CCDC7: variants seen among roughly 807,000 people sequenced by gnomAD.
CCDC7 encodes the protein coiled-coil domain-containing protein 7.
A neutral mutation model predicts 196.9 loss-of-function variants in CCDC7; 183 were observed. The ratio of observed to expected loss-of-function variants is 0.93; its 90% CI spans 0.82 to 1.05. CCDC7 has a LOEUF of 1.05. Ranked by LOEUF, CCDC7 falls within the 50% of genes least tolerant of loss-of-function variation. The pLI is 0.00. For synonymous variants in CCDC7, 525 were observed against 484.6 expected (o/e 1.08, Z -1.10); for missense variants, 1,540 against 1,482.2 (o/e 1.04, Z -0.64).
chr10:32,824,630 A>C (rs1320250456), intron 32 of CCDC7, 26 bp downstream of exon 33: 1 of 1,489,694 alleles, frequency 6.7e-7, no homozygotes, highest in Non-Finnish European at 9.3e-7. Flanking sequence ...TTTAAAATCT[A>C]CTTATGGTTT....
intron 18 of CCDC7, among the ~76,000 whole-genome samples, chr10:32,595,386 G>T (rs1466791911): frequency 1.3e-5 from 2 of 152,282 alleles, no homozygotes; most frequent in East Asian, 1.9e-4. Context: ...TGTAGGATTG[G>T]TGGTGATATC....
rs866553742 is a variant in CCDC7 at position 32,640,030 on chromosome 10, G to T, written c.2014+4872G>T. On this transcript the variant is annotated intron_variant, in intron 20 of 41. Transcript: ENST00000639629. ...AATGTATATTCTGTTGATTTGGGGT[G>T]GAGAGTTCTGTAGATGTCTATTAGG... Among the ~76,000 whole-genome samples the T allele has an allele frequency of 5.6e-4, 85 of 152,314 alleles. No homozygotes were observed. In the Middle Eastern group the frequency reaches 0.014, roughly 24 times the overall value.
exon 25 of CCDC7, chr10:32,711,701 A>C (rs1344735157): frequency 6.3e-7 from 1 of 1,588,054 alleles, no homozygotes; most frequent in Non-Finnish European, 8.6e-7. Context: ...TTAGAGATTC[A>C]AGAAACTTCT....
chr10:32,740,684 C>A (rs959603423), intron 28 of CCDC7, among the ~76,000 whole-genome samples: 1 of 152,114 alleles, frequency 6.6e-6, no homozygotes, highest in Non-Finnish European at 1.5e-5. Context: ...CAGCAGTGTG[C>A]ATAATTTTAA....
chr10:32,637,289 C>T (rs1245576022), intron 20 of CCDC7, among the ~76,000 whole-genome samples: 1 of 152,292 alleles, frequency 6.6e-6, no homozygotes, highest in Admixed American at 6.5e-5. Flanking sequence ...GTGTTTTAGA[C>T]ATGAAGTCCT....
chr10:32,633,645 A>G (rs752118437), intron 18 of CCDC7, among the ~76,000 whole-genome samples: 25 of 148,468 alleles, frequency 1.7e-4, no homozygotes, highest in Non-Finnish European at 3.3e-4. Flanking sequence ...TCTTTGAGTT[A>G]TAGTTTCCCT....
chr10:32,537,439 C>G (rs2050704196), intron 11 of CCDC7, among the ~76,000 whole-genome samples: 2 of 152,140 alleles, frequency 1.3e-5, no homozygotes, highest in African/African-American at 4.8e-5. Context: ...TTCTCCCAAT[C>G]TCTAGGTTGC....
intron 41 of CCDC7, among the ~76,000 whole-genome samples, chr10:32,867,609 G>A (rs1038669683): frequency 6.6e-6 from 1 of 150,894 alleles, no homozygotes; most frequent in Non-Finnish European, 1.5e-5. Flanking sequence ...GGCAACTAAC[G>A]GGAAAATGGG....
intron 28 of CCDC7, among the ~76,000 whole-genome samples, chr10:32,758,985 C>T (rs1209420291): frequency 2.6e-5 from 4 of 152,138 alleles, no homozygotes; most frequent in Admixed American, 1.3e-4. Context: ...AGTGAACTCC[C>T]ATTCACAATT....
intron 18 of CCDC7, among the ~76,000 whole-genome samples, chr10:32,601,806 T>C (rs182077102): frequency 6.6e-6 from 1 of 152,244 alleles, no homozygotes; most frequent in Admixed American, 6.5e-5. Context: ...CAGCACTCTG[T>C]AAAAACACAC....
chr10:32,811,830 A>AT (rs1565576731), intron 30 of CCDC7, among the ~76,000 whole-genome samples: 3 of 152,144 alleles, frequency 2.0e-5, no homozygotes, highest in Admixed American at 6.5e-5. Context: ...ACAAAATGCT[A>AT]GCAAACCAAA....
chr10:32,826,205 G>C (rs1484871097), intron 32 of CCDC7, among the ~76,000 whole-genome samples: 1 of 152,176 alleles, frequency 6.6e-6, no homozygotes, highest in Admixed American at 6.5e-5. Context: ...CTAGAAGTGA[G>C]GTTCAAAGTG....
chr10:32,643,572 A>G (rs1190969980), intron 20 of CCDC7, among the ~76,000 whole-genome samples: 4 of 151,678 alleles, frequency 2.6e-5, no homozygotes, highest in African/African-American at 7.3e-5. Flanking sequence ...TACCCAATCC[A>G]TGTTTACTTC....
intron 5 of CCDC7, among the ~76,000 whole-genome samples, chr10:32,465,881 A>G (rs912339582): frequency 6.6e-6 from 1 of 152,188 alleles, no homozygotes; most frequent in Non-Finnish European, 1.5e-5. Context: ...AATGAGTACT[A>G]TTTATCAAAT....
At chr10:32,787,947 G>C (rs1232153755) in intron 29 of CCDC7, among the ~76,000 whole-genome samples, 4 of 152,138 alleles carry the variant, frequency 2.6e-5, no homozygotes, top group Admixed American at 1.3e-4. Flanking sequence ...CACCAGTCCA[G>C]CTCCCACAGA....
chr10:32,453,433 A>T, exon 2 of CCDC7: 1 of 1,526,334 alleles, frequency 6.6e-7, no homozygotes, highest in Non-Finnish European at 8.8e-7. Flanking sequence ...AATTATCTTT[A>T]TCTGTAAGTA....
chr10:32,863,266 T>G (rs1359086421), intron 41 of CCDC7, among the ~76,000 whole-genome samples: 1 of 152,122 alleles, frequency 6.6e-6, no homozygotes, highest in Non-Finnish European at 1.5e-5. Context: ...TTCAAAGCTA[T>G]AGTAATCAAA....
At chr10:32,727,916 T>C (rs1326389160) in intron 26 of CCDC7, among the ~76,000 whole-genome samples, 1 of 152,174 alleles carries the variant, frequency 6.6e-6, no homozygotes, top group Non-Finnish European at 1.5e-5. Flanking sequence ...TTACTCTTGA[T>C]TGTAGAACCA....
At chr10:32,697,084 A>C (rs1237159828) in intron 24 of CCDC7, among the ~76,000 whole-genome samples, 1 of 152,186 alleles carries the variant, frequency 6.6e-6, no homozygotes, top group Non-Finnish European at 1.5e-5. Context: ...ATTATACACC[A>C]TAATGTAGAA....
Sources: allele counts gnomAD v4.1 joint callset (sites outside exome capture counted in the v4.1 genomes callset), GRCh38; gene constraint gnomAD v4.1.1; transcripts MANE v1.5; gene names NCBI Gene and HGNC (gene_info 2026-07-23, HGNC 2026-07-21).